RAPGEF1: variants seen among roughly 807,000 people sequenced by gnomAD.
RAPGEF1 encodes the protein CRK SH3-binding GNRP.
In RAPGEF1, 33 loss-of-function variants were observed where a neutral mutation model predicts 143.3. The ratio of observed to expected loss-of-function variants is 0.23; its 90% CI spans 0.17 to 0.31. RAPGEF1 has a LOEUF of 0.31. RAPGEF1 is among the 10% of genes least tolerant of loss of function. The pLI is 1.00. For missense variants in RAPGEF1, 1,199 were observed against 1,645.4 expected (o/e 0.73, Z 4.69); for synonymous variants, 629 against 676.5 (o/e 0.93, Z 1.09).
intron 22 of RAPGEF1, among the ~76,000 whole-genome samples, chr9:131,586,197 AACACACACACACGCACGCAC>A (rs1952697390): frequency 6.8e-6 from 1 of 146,030 alleles, no homozygotes; most frequent in Admixed American, 6.8e-5. Context: ...CTCCGTCTCA[AACACACACACACGCACGCAC>A]ACACACACAC....
intron 6 of RAPGEF1, among the ~76,000 whole-genome samples, chr9:131,629,831 C>T: frequency 6.6e-6 from 1 of 151,964 alleles, no homozygotes; most frequent in East Asian, 1.9e-4. Context: ...ATATTTTTAC[C>T]AGGAGCTTGG....
chr9:131,643,491 T>G, intron 3 of RAPGEF1, 74 bp from the exon 4 acceptor site: 1 of 1,409,326 alleles, frequency 7.1e-7, no homozygotes, highest in Non-Finnish European at 9.5e-7. Flanking sequence ...AAAGGAACAT[T>G]TTCTTTAAAC....
chr9:131,629,056 T>A, intron 7 of RAPGEF1, 46 bp downstream of exon 7: 1 of 1,583,698 alleles, frequency 6.3e-7, no homozygotes, highest in Non-Finnish European at 8.6e-7. Flanking sequence ...TCCCTTTCTT[T>A]CTCATTCTGC....
intron 1 of RAPGEF1, among the ~76,000 whole-genome samples, chr9:131,711,312 A>G (rs1835487324): frequency 6.6e-6 from 1 of 151,328 alleles, no homozygotes; most frequent in African/African-American, 2.4e-5. Flanking sequence ...TCAGCCTCCC[A>G]AAGTCCTGGG....
chr9:131,710,060 C>A (rs1435651589), intron 1 of RAPGEF1: 2 of 583,806 alleles, frequency 3.4e-6, no homozygotes, highest in Non-Finnish European at 4.3e-6. Context: ...CACTTTTCTC[C>A]GCAGGAGAAA....
At chr9:131,677,648 C>T (rs1471041995) in intron 1 of RAPGEF1, among the ~76,000 whole-genome samples, 1 of 152,202 alleles carries the variant, frequency 6.6e-6, no homozygotes, top group Non-Finnish European at 1.5e-5. Flanking sequence ...AGGAAAGACG[C>T]AACCAAACTA....
chr9:131,724,400 C>G (rs1376305777), intron 1 of RAPGEF1, among the ~76,000 whole-genome samples: 1 of 152,186 alleles, frequency 6.6e-6, no homozygotes, highest in Non-Finnish European at 1.5e-5. Context: ...TTGAGACCAT[C>G]CTGGCTAACA....
At chr9:131,677,116 A>G (rs1832468961) in intron 1 of RAPGEF1, among the ~76,000 whole-genome samples, 2 of 152,236 alleles carry the variant, frequency 1.3e-5, no homozygotes, top group African/African-American at 2.4e-5. Flanking sequence ...AGTTTCTACT[A>G]TGTGCTAGGA....
chr9:131,579,222 A>G lies in RAPGEF1; in HGVS notation c.*275T>C. 2.3e-6 allele frequency: 1 copy of G among 427,918 alleles called. No individual in the cohort carries two copies. Among genetic ancestry groups the G allele is most frequent in the Non-Finnish European group, 4.2e-6 (1 of 235,710 alleles). 26.5% of individuals were successfully genotyped at this position (427,918 alleles called of 1,614,324 possible). A position where few individuals can be genotyped will look rare whatever the true frequency, so the allele number is the denominator to read the frequency against. On this transcript the variant is annotated 3_prime_UTR_variant, in exon 27 of 27. Transcript: ENST00000683357. ...AGGGGAGAGATGGAAGTAAAAGCAG[A>G]AAACAAAACCAAACCAGAAAACCAC...
intron 1 of RAPGEF1, among the ~76,000 whole-genome samples, chr9:131,653,726 A>G (rs991486609): frequency 6.6e-6 from 1 of 152,242 alleles, no homozygotes; most frequent in African/African-American, 2.4e-5. Context: ...GCAGTTTCTC[A>G]CAAGATCACA....
At chr9:131,585,314 G>A (rs543344426) in intron 22 of RAPGEF1, among the ~76,000 whole-genome samples, 1 of 151,630 alleles carries the variant, frequency 6.6e-6, no homozygotes, top group South Asian at 2.1e-4. Flanking sequence ...CCGAGTAGCT[G>A]GGACTATAGG....
rs1952463161 is a variant in RAPGEF1 at position 131,584,906 on chromosome 9, G to C, written c.3234-310C>G. ...GGAGGATGAAAGCAGAGCCTTTCCT[G>C]ACAAGCATGGGCCCCAAGTACCAGG... On this transcript the variant is annotated intron_variant, in intron 22 of 26. Transcript: ENST00000683357. The surrounding 1 kb of genome is among the most constrained non-coding windows in gnomAD (Gnocchi z 6.8). Among the ~76,000 whole-genome samples the C allele has an allele frequency of 6.6e-6, 1 of 152,212 alleles. No homozygotes were observed. The highest frequency in any genetic ancestry group is 1.5e-5 in the Non-Finnish European group (1 of 68,034).
At chr9:131,580,231 C>T (rs1163674996) in intron 26 of RAPGEF1, 32 bp downstream of exon 26, 1 of 1,611,448 alleles carries the variant, frequency 6.2e-7, no homozygotes, top group East Asian at 2.2e-5. Context: ...GGGCTCAGCT[C>T]TGCCTGGTCC....
intron 1 of RAPGEF1, among the ~76,000 whole-genome samples, chr9:131,687,696 T>A (rs1248545643): frequency 6.6e-6 from 1 of 152,172 alleles, no homozygotes; most frequent in African/African-American, 2.4e-5. Flanking sequence ...GAGCAGCCCC[T>A]AGGTTGGTGC....
chr9:131,735,905 G>GT (rs1837383013), intron 1 of RAPGEF1, among the ~76,000 whole-genome samples: 1 of 152,182 alleles, frequency 6.6e-6, no homozygotes, highest in South Asian at 2.1e-4. Context: ...CAATTCTTTT[G>GT]TTTTTTTCCT....
At position 131,730,721 on chromosome 9, in the gene RAPGEF1, A is replaced by C. The variant is rs528540051; in HGVS notation, c.61+9049T>G. Among the ~76,000 whole-genome samples the C allele has an allele frequency of 1.5e-3, 229 of 150,680 alleles. 2 individuals carry two copies. Among genetic ancestry groups the C allele is most frequent in the African/African-American group, 5.3e-3 (216 of 41,118 alleles). On this transcript the variant is annotated intron_variant, in intron 1 of 26. Transcript: ENST00000683357. ...TCAAAAAAAAAAAAAAAAAAAAAGA[A>C]GAAGAACCAGCATTAGAAAGGGCTC...
At chr9:131,624,182 T>C (rs185661300) in intron 10 of RAPGEF1, among the ~76,000 whole-genome samples, 3 of 152,224 alleles carry the variant, frequency 2.0e-5, no homozygotes, top group African/African-American at 7.2e-5. Context: ...CACTTGCTTG[T>C]TGATCTTGGG....
rs1953461144 is a variant in RAPGEF1 at position 131,587,963 on chromosome 9, A to G, written c.3117T>C (p.Ala1039=). 6.2e-7 allele frequency: 1 copy of G among 1,612,668 alleles called. No individual in the cohort carries two copies. The highest frequency in any genetic ancestry group is 8.5e-7 in the Non-Finnish European group (1 of 1,179,328). ...GTACCTCTATTTTATAGAAGAGCTCAGCATCCAGCAGCGTTAGCTGCTCCG... is the reference window on the plus strand; with the variant it reads ...GTACCTCTATTTTATAGAAGAGCTCGGCATCCAGCAGCGTTAGCTGCTCCG... ...EIAEQLTLLD[A]ELFYKIEIPE... is the part of the protein sequence containing the mutation. The change falls in exon 21 of 27, where the codon GCT becomes GCC. Residue 1039 remains alanine, a synonymous_variant. Coordinates refer to ENST00000683357, the MANE Select transcript of RAPGEF1 (RefSeq NM_001377935.1).
rs1303675548 is a variant in RAPGEF1 at position 131,604,530 on chromosome 9, A to C, written c.2319+401T>G. On this transcript the variant is annotated intron_variant, in intron 13 of 26. Transcript: ENST00000683357. ...TGCAACCGAACAGACACTTGTCCTG[A>C]ATCTGTCACCTCCACACTTGCGAAG... is the stretch of plus-strand genomic sequence containing the variant. Among the ~76,000 whole-genome samples the C allele has an allele frequency of 3.9e-5, 6 of 152,222 alleles. 1 individual carries two copies. The highest frequency in any genetic ancestry group is 8.8e-5 in the Non-Finnish European group (6 of 68,036).
Sources: gnomAD v4.1 joint callset for allele counts (sites outside exome capture counted in the v4.1 genomes callset) on GRCh38, gnomAD v4.1.1 for gene constraint, Gnocchi (gnomAD v3.1) non-coding constraint, MANE v1.5 for transcripts, NCBI Gene and HGNC (gene_info 2026-07-23, HGNC 2026-07-21) for gene names.